The following IGSF9B variants were observed in gnomAD, a reference collection of about 807,000 sequenced individuals.
IGSF9B encodes the protein protein turtle homolog B.
In IGSF9B, 48 loss-of-function variants were observed where a neutral mutation model predicts 143.7. The observed-to-expected ratio is 0.33, with a 90% CI of 0.26 to 0.42. The LOEUF is 0.42. Ranked by LOEUF, IGSF9B falls within the 20% of genes least tolerant of loss-of-function variation. IGSF9B has a pLI of 1.00. For missense variants in IGSF9B, 1,706 were observed against 1,980.0 expected, an observed-to-expected ratio of 0.86 and a Z score of 2.63; for synonymous variants, 903 against 833.1, an observed-to-expected ratio of 1.08 and a Z score of -1.44.
At chr11:133,932,009 G>C in intron 8 of IGSF9B, 62 bp downstream of exon 8, 1 of 1,558,534 alleles carries the variant, frequency 6.4e-7, no homozygotes, top group Non-Finnish European at 8.7e-7. Flanking sequence ...AGAGCCCAGA[G>C]GTGGCATCAC....
At chr11:133,936,028 T>C in intron 6 of IGSF9B, 25 bp downstream of exon 6, 4 of 1,610,334 alleles carry the variant, frequency 2.5e-6, no homozygotes, top group African/African-American at 1.3e-5. Context: ...GCAACCTCAT[T>C]GAAAAGTCAG....
At position 133,931,561 on chromosome 11, in the gene IGSF9B, G is replaced by C. The variant is rs182620767; in HGVS notation, c.1260C>G (p.Pro420=). Reference sequence around the variant, plus strand: ...CCCAGCCTGGTAGCACCGTGAAATAGGGGGGGTCCTGGGGAGGAAAGCACA... The same window carrying C: ...CCCAGCCTGGTAGCACCGTGAAATACGGGGGGTCCTGGGGAGGAAAGCACA... ...APARLVLKDP[P]YFTVLPGWEY... Residue 420 remains proline, a synonymous_variant, in exon 10 of 20, where the codon CCC becomes CCG. Coordinates refer to ENST00000533871, the MANE Select transcript of IGSF9B (RefSeq NM_001277285.4). This position sits in a 1 kb window ranked among gnomAD's most constrained non-coding sequence, Gnocchi z 7.7. 1 of 1,612,570 alleles carries C rather than the reference G, an allele frequency of 6.2e-7. No homozygotes were observed. The highest frequency in any genetic ancestry group is 8.5e-7 in the Non-Finnish European group (1 of 1,179,280).
intron 3 of IGSF9B, among the ~76,000 whole-genome samples, chr11:133,943,408 C>T (rs1488490622): frequency 3.3e-5 from 5 of 152,174 alleles, no homozygotes; most frequent in African/African-American, 1.2e-4. Context: ...CTCCAGAGTA[C>T]CTCCTTCCAG....
At chr11:133,926,401 G>T (rs1436208051) in intron 13 of IGSF9B, among the ~76,000 whole-genome samples, 1 of 152,200 alleles carries the variant, frequency 6.6e-6, no homozygotes, top group African/African-American at 2.4e-5. Context: ...GAAAGGGGCT[G>T]GAGTCGCGCC....
At position 133,908,454 on chromosome 11, in the gene IGSF9B, C is replaced by T. The variant is rs896999328; in HGVS notation, c.*615G>A. The T allele has an allele frequency of 6.6e-6, 1 of 151,980 alleles. No homozygotes were observed. The highest frequency in any genetic ancestry group is 2.4e-5 in the African/African-American group (1 of 41,378). 9.4% of individuals were successfully genotyped at this position (151,980 alleles called of 1,614,324 possible). Reference sequence around the variant, plus strand: ...TCTTGTTTTGGGAGAAAGAATCCCCCAAGACAGATGTCAGGCACCTGGCCA... The same window carrying T: ...TCTTGTTTTGGGAGAAAGAATCCCCTAAGACAGATGTCAGGCACCTGGCCA... On this transcript the variant is annotated 3_prime_UTR_variant, in exon 20 of 20. Coordinates refer to ENST00000533871, the MANE Select transcript of IGSF9B (RefSeq NM_001277285.4).
chr11:133,929,756 C>T lies in IGSF9B; in HGVS notation c.1546G>A (p.Val516Ile), dbSNP rs745442843. 6.2e-7 allele frequency: 1 copy of T among 1,613,828 alleles called. No individual in the cohort carries two copies. Among genetic ancestry groups the T allele is most frequent in the South Asian group, 1.1e-5 (1 of 91,078 alleles). The change falls in exon 12 of 20, where the codon GTC becomes ATC. Residue 516 changes from valine to isoleucine, a missense_variant. Val to Ile is a conservative substitution (Grantham distance 29). Coordinates refer to ENST00000533871, the MANE Select transcript of IGSF9B (RefSeq NM_001277285.4). ...IGTSPHAPGS[V>I]RVQVSMTTAN... is the part of the protein sequence containing the mutation. ...GTTGTCATGGAGACCTGGACCCGGA[C>T]ACTGCCCGGGGCATGGGGGCTGGTG... is the stretch of plus-strand genomic sequence containing the variant.
rs573679476 is a variant in IGSF9B at position 133,931,327 on chromosome 11, G to A, written c.1368+126C>T. The stretch of plus-strand genomic sequence containing the variant: ...GTCAGGGCAGGTCCAGAATAGAACT[G>A]CTCGCTGGGCCCTCACACCTCCCCT... On this transcript the variant is annotated intron_variant, in intron 10 of 19. Transcript: ENST00000533871. This position sits in a 1 kb window ranked among gnomAD's most constrained non-coding sequence, Gnocchi z 7.7. 2 of 848,682 alleles carry A rather than the reference G, an allele frequency of 2.4e-6. No individual in the cohort carries two copies. The highest frequency in any genetic ancestry group is 5.2e-5 in the East Asian group (2 of 38,322). The allele number at this position is 848,682 out of a possible 1,614,324, so 52.6% of individuals were successfully genotyped here. A position where few individuals can be genotyped will look rare whatever the true frequency, so the allele number is the denominator to read the frequency against.
chr11:133,919,693 G>A, intron 18 of IGSF9B, 49 bp downstream of exon 18: 1 of 1,197,272 alleles, frequency 8.4e-7, no homozygotes, highest in Non-Finnish European at 1.1e-6. Flanking sequence ...AGGCGGGTGG[G>A]GGAAGGAAGT....
Position 133,931,624 on chromosome 11 carries a change from C to G in IGSF9B, c.1251+31G>C, listed in dbSNP as rs373887384. ...AGGCCGGGGATCCAGGTGCCCAGCT[C>G]ATGGAGGCCGTCACAGCCCTGGGAC... On this transcript the variant is annotated intron_variant, in intron 9 of 19. Transcript: ENST00000533871. The surrounding 1 kb of genome is among the most constrained non-coding windows in gnomAD (Gnocchi z 7.7). 8 of 1,608,054 alleles carry G rather than the reference C, an allele frequency of 5.0e-6. No individual in the cohort carries two copies. In the African/African-American group the frequency reaches 8.0e-5, roughly 16 times the overall value.
At position 133,928,456 on chromosome 11, in the gene IGSF9B, C is replaced by T. The variant is rs1291037515; in HGVS notation, c.1631+1215G>A. Among the ~76,000 whole-genome samples the T allele has an allele frequency of 1.3e-5, 2 of 152,198 alleles. No individual in the cohort carries two copies. The highest frequency in any genetic ancestry group is 2.9e-5 in the Non-Finnish European group (2 of 68,032). On this transcript the variant is annotated intron_variant, in intron 12 of 19. Coordinates refer to ENST00000533871, the MANE Select transcript of IGSF9B (RefSeq NM_001277285.4). The surrounding 1 kb of genome is among the most constrained non-coding windows in gnomAD (Gnocchi z 4.7). ...AGAGCGGGTGCCCCTCTCAACTTCC[C>T]TCGCTGCTGAGAAGTGGATAAAGGG...
intron 11 of IGSF9B, among the ~76,000 whole-genome samples, chr11:133,930,730 G>A (rs1327008066): frequency 6.6e-6 from 1 of 152,238 alleles, no homozygotes; most frequent in Non-Finnish European, 1.5e-5. Flanking sequence ...CTTTCCCTCA[G>A]GTGGGCTGCT....
chr11:133,945,943 G>T lies in IGSF9B; in HGVS notation c.262+118C>A. On this transcript the variant is annotated intron_variant, in intron 2 of 19. Transcript: ENST00000533871. The surrounding 1 kb of genome is among the most constrained non-coding windows in gnomAD (Gnocchi z 4.6). ...GAGGACAAAGGATGGGAGGAACCAGGCAGAGACTGGGAAACAGAGATAAAG... is the reference window on the plus strand; with the variant it reads ...GAGGACAAAGGATGGGAGGAACCAGTCAGAGACTGGGAAACAGAGATAAAG... 1 of 705,530 alleles carries T rather than the reference G, an allele frequency of 1.4e-6. No homozygotes were observed. Among genetic ancestry groups the T allele is most frequent in the Non-Finnish European group, 2.4e-6 (1 of 422,230 alleles). The allele number at this position is 705,530 out of a possible 1,614,324, so 43.7% of individuals were successfully genotyped here. A position where few individuals can be genotyped will look rare whatever the true frequency, so the allele number is the denominator to read the frequency against.
chr11:133,915,908 T>C (rs929167494), intron 18 of IGSF9B, among the ~76,000 whole-genome samples: 4 of 151,992 alleles, frequency 2.6e-5, no homozygotes, highest in African/African-American at 7.3e-5. Flanking sequence ...AGGGAAAGGG[T>C]GGGCCCACTG....
intron 11 of IGSF9B, 131 bp downstream of exon 11, chr11:133,930,853 G>A: frequency 1.1e-6 from 1 of 950,250 alleles, no homozygotes; most frequent in Non-Finnish European, 1.5e-6. Flanking sequence ...CGGAGTTCAG[G>A]GCTGCACTGA....
intron 14 of IGSF9B, 74 bp from the exon 15 acceptor site, chr11:133,924,978 G>T: frequency 7.8e-7 from 1 of 1,277,182 alleles, no homozygotes; most frequent in Non-Finnish European, 1.1e-6. Flanking sequence ...CACTCATCCT[G>T]CACACAGCCT....
At position 133,900,941 on chromosome 11, in the gene IGSF9B, C is replaced by T. The variant is rs1225980157; in HGVS notation, c.*8128G>A. ...ACCGTAGGTCCCTAGGTAGTCTCAA[C>T]CACCCCCTTTCTAATGCTGTGAAGC... On this transcript the variant is annotated 3_prime_UTR_variant, in exon 20 of 20. Coordinates refer to ENST00000533871, the MANE Select transcript of IGSF9B (RefSeq NM_001277285.4). The T allele has an allele frequency of 6.6e-6, 1 of 152,204 alleles. No homozygotes were observed. The highest frequency in any genetic ancestry group is 2.4e-5 in the African/African-American group (1 of 41,454). The allele number at this position is 152,204 out of a possible 1,614,324, so 9.4% of individuals were successfully genotyped here. A position where few individuals can be genotyped will look rare whatever the true frequency, so the allele number is the denominator to read the frequency against.
At chr11:133,930,066 G>A (rs183729409) in intron 11 of IGSF9B, among the ~76,000 whole-genome samples, 1 of 152,188 alleles carries the variant, frequency 6.6e-6, no homozygotes, top group African/African-American at 2.4e-5. Context: ...AGCCCTCCTC[G>A]TCCTGGCCCA....
intron 5 of IGSF9B, 22 bp from the exon 6 acceptor site, chr11:133,936,216 C>T: frequency 1.9e-6 from 3 of 1,598,604 alleles, no homozygotes; most frequent in Non-Finnish European, 2.6e-6. Flanking sequence ...AGGGAACAAA[C>T]CCCACCTCGC....
chr11:133,921,876 G>A (rs2121294386), intron 17 of IGSF9B, among the ~76,000 whole-genome samples: 1 of 152,188 alleles, frequency 6.6e-6, no homozygotes, highest in East Asian at 1.9e-4. Context: ...AATCTGCTAG[G>A]GTGGGAAAAC....
Sources: allele counts gnomAD v4.1 joint callset (sites outside exome capture counted in the v4.1 genomes callset), GRCh38; gene constraint gnomAD v4.1.1; non-coding constraint Gnocchi (gnomAD v3.1); transcripts MANE v1.5; gene names NCBI Gene and HGNC (gene_info 2026-07-23, HGNC 2026-07-21).